PEX5: variants seen among roughly 807,000 people sequenced by gnomAD.
The protein encoded by PEX5 is PTS1 receptor.
PEX5 carries 52 observed loss-of-function variants against 82.9 expected under a neutral mutation model. The ratio of observed to expected loss-of-function variants is 0.63; its 90% CI spans 0.50 to 0.79. The LOEUF is 0.79. PEX5 is among the 30% of genes least tolerant of loss of function. The pLI is 0.00. For missense variants in PEX5, 719 were observed against 815.2 expected, an observed-to-expected ratio of 0.88 and a Z score of 1.44; for synonymous variants, 300 against 318.8, an observed-to-expected ratio of 0.94 and a Z score of 0.63.
chr12:7,197,221 T>A (rs1303595889), intron 5 of PEX5, among the ~76,000 whole-genome samples: 6 of 83,800 alleles, frequency 7.2e-5, no homozygotes, highest in African/African-American at 2.2e-4. Context: ...ATAATGTAAT[T>A]ATATATGTCA....
chr12:7,190,832 C>T (rs1940945153), intron 2 of PEX5, 56 bp from the exon 3 acceptor site: 1 of 1,551,852 alleles, frequency 6.4e-7, no homozygotes, highest in Admixed American at 1.7e-5. Context: ...TGGGCTTCAT[C>T]AACCCCTGAT....
intron 14 of PEX5, 97 bp downstream of exon 14, chr12:7,209,267 C>T (rs1240546198): frequency 3.2e-6 from 4 of 1,244,046 alleles, no homozygotes; most frequent in Non-Finnish European, 2.3e-6. Context: ...TGCCTGTAGT[C>T]CCAGCTACTT....
chr12:7,208,916 A>C, intron 13 of PEX5, 89 bp from the exon 14 acceptor site: 1 of 1,158,454 alleles, frequency 8.6e-7, no homozygotes, highest in Non-Finnish European at 1.3e-6. Flanking sequence ...AATGTTGGGG[A>C]TATGGTTGAT....
chr12:7,215,699 A>G (rs1197836102), downstream of PEX5, among the ~76,000 whole-genome samples: 8 of 152,170 alleles, frequency 5.3e-5, no homozygotes, highest in Admixed American at 5.2e-4. Context: ...TTTAGTACAC[A>G]TGAACATAAA....
Position 7,201,760 on chromosome 12 carries a change from A to C in PEX5, c.561A>C (p.Glu187Asp). The change falls in exon 7 of 16, where the codon GAA becomes GAC. Residue 187 changes from glutamate (E) to aspartate (D), a missense_variant. Glu to Asp is a conservative substitution (Grantham distance 45, BLOSUM62 2). Transcript: ENST00000675855. ...TTCTTACCCGTTCCAGGTATGATGA[A>C]TATCATCCTGAGGAGGATCTGCAGC... ...EGTATDRWYD[E>D]YHPEEDLQHT... 1 of 1,612,964 alleles carries C rather than the reference A, an allele frequency of 6.2e-7. No homozygotes were observed. The highest frequency in any genetic ancestry group is 2.2e-5 in the East Asian group (1 of 44,868).
At chr12:7,197,452 T>C (rs1421056036) in intron 5 of PEX5, among the ~76,000 whole-genome samples, 26 of 111,846 alleles carry the variant, frequency 2.3e-4, no homozygotes, top group South Asian at 2.0e-3. Flanking sequence ...ATGTTATATA[T>C]AATGTAATAA....
chr12:7,201,280 TAG>T (rs1943965159), intron 6 of PEX5, among the ~76,000 whole-genome samples: 2 of 54,754 alleles, frequency 3.7e-5, no homozygotes, highest in Admixed American at 7.3e-4. Flanking sequence ...TACACACACA[TAG>T]ACATACATGT....
At chr12:7,191,784 T>G (rs1051456453) in intron 5 of PEX5, 84 bp downstream of exon 5, 3 of 1,367,576 alleles carry the variant, frequency 2.2e-6, no homozygotes, top group Middle Eastern at 1.8e-4. Context: ...ATAGTGTGAT[T>G]ACGATTTTTC....
At chr12:7,209,659 A>T (rs201192733) in intron 14 of PEX5, 24 bp from the exon 15 acceptor site, 18 of 1,102,862 alleles carry the variant, frequency 1.6e-5, no homozygotes, top group Non-Finnish European at 1.9e-5. Context: ...AGCTGTTCCC[A>T]TCCGTTCTGC....
chr12:7,212,486 A>C (rs144401521), downstream of PEX5, among the ~76,000 whole-genome samples: 29,071 of 97,714 alleles, frequency 0.3, 3,852 homozygotes, highest in South Asian at 0.46. Flanking sequence ...AAAAAAAAAA[A>C]AACCCAAAAA....
chr12:7,215,587 G>A (rs1275593501), downstream of PEX5, among the ~76,000 whole-genome samples: 4 of 152,138 alleles, frequency 2.6e-5, no homozygotes, highest in African/African-American at 9.7e-5. Context: ...CACGACCTTC[G>A]CAGCAGCATG....
intron 15 of PEX5, 56 bp downstream of exon 15, chr12:7,209,896 C>T: frequency 6.2e-7 from 1 of 1,608,044 alleles, no homozygotes; most frequent in Non-Finnish European, 8.5e-7. Flanking sequence ...GCCTTTGGCC[C>T]TAGCTCCTTA....
At chr12:7,207,635 A>G in intron 10 of PEX5, 24 bp from the exon 11 acceptor site, 4 of 1,613,484 alleles carry the variant, frequency 2.5e-6, no homozygotes, top group Non-Finnish European at 3.4e-6. Context: ...CTCTCAGTCC[A>G]TCTCTCACGT....
chr12:7,189,721 C>T lies in PEX5; in HGVS notation c.-46C>T. The T allele has an allele frequency of 2.6e-6, 1 of 387,154 alleles. No individual in the cohort carries two copies. The highest frequency in any genetic ancestry group is 4.6e-5 in the Admixed American group (1 of 21,756). The allele number at this position is 387,154 out of a possible 1,614,324, so 24.0% of individuals were successfully genotyped here. ...CTCCCCCAAGCCAGCACCTGGTGCC[C>T]CGGCGGGTCGTGCGGCGCGGCGCTC... On this transcript the variant is annotated 5_prime_UTR_variant, in exon 1 of 16. Coordinates refer to ENST00000675855, the MANE Select transcript of PEX5 (RefSeq NM_001351132.2).
chr12:7,201,554 G>A (rs1017476546), intron 6 of PEX5, among the ~76,000 whole-genome samples, 197 bp from the exon 7 acceptor site: 2 of 152,158 alleles, frequency 1.3e-5, no homozygotes, highest in African/African-American at 4.8e-5. Flanking sequence ...GGGAAAGGGA[G>A]AGCTAGAAGG....
At chr12:7,203,805 A>C (rs1036680756) in intron 10 of PEX5, among the ~76,000 whole-genome samples, 2 of 152,252 alleles carry the variant, frequency 1.3e-5, no homozygotes, top group African/African-American at 4.8e-5. Flanking sequence ...GGAGGTTTGC[A>C]CATGCTTGCT....
At chr12:7,205,682 A>G (rs1170416158) in intron 10 of PEX5, among the ~76,000 whole-genome samples, 2 of 151,986 alleles carry the variant, frequency 1.3e-5, no homozygotes, top group African/African-American at 4.8e-5. Context: ...CCCCCAGAGT[A>G]CTCTTTTTCC....
intron 10 of PEX5, 75 bp from the exon 11 acceptor site, chr12:7,207,584 T>C (rs1257205225): frequency 6.8e-7 from 1 of 1,479,122 alleles, no homozygotes; most frequent in Non-Finnish European, 9.5e-7. Flanking sequence ...CTCTGCCTGC[T>C]GGTTGTCATC....
chr12:7,190,725 A>G, intron 2 of PEX5, 163 bp from the exon 3 acceptor site: 2 of 1,335,690 alleles, frequency 1.5e-6, no homozygotes, highest in Non-Finnish European at 2.1e-6. Context: ...CATAGTAGTT[A>G]CCACTTACTG....
Sources: allele counts gnomAD v4.1 joint callset (sites outside exome capture counted in the v4.1 genomes callset), GRCh38; gene constraint gnomAD v4.1.1; transcripts MANE v1.5; gene names NCBI Gene and HGNC (gene_info 2026-07-23, HGNC 2026-07-21).